PTPN12: variants seen among roughly 807,000 people sequenced by gnomAD.
PTPN12 encodes the protein tyrosine-protein phosphatase non-receptor type 12.
PTPN12 carries 29 observed loss-of-function variants against 97.6 expected under a neutral mutation model. That is an observed-to-expected ratio of 0.30 (90% CI 0.22 to 0.41). The LOEUF is 0.41. PTPN12 is among the 10% of genes least tolerant of loss of function. The pLI is 1.00. For synonymous variants in PTPN12, 327 were observed against 300.4 expected (o/e 1.09, Z -0.91); for missense variants, 819 against 926.0 (o/e 0.88, Z 1.50).
At chr7:77,618,666 C>G (rs1430805490) in intron 12 of PTPN12, 101 bp downstream of exon 12, 3 of 783,936 alleles carry the variant, frequency 3.8e-6, no homozygotes, top group Non-Finnish European at 6.0e-6. Context: ...ACTTTTATAA[C>G]TTTTATTATT....
intron 1 of PTPN12, among the ~76,000 whole-genome samples, chr7:77,540,293 A>G (rs2151292432): frequency 6.8e-6 from 1 of 147,934 alleles, no homozygotes; most frequent in Admixed American, 6.8e-5. Context: ...GTTGGAGTGC[A>G]GTGGCTCAAT....
intron 1 of PTPN12, among the ~76,000 whole-genome samples, chr7:77,559,333 T>C (rs1016508565): frequency 6.6e-6 from 1 of 152,246 alleles, no homozygotes; most frequent in Non-Finnish European, 1.5e-5. Flanking sequence ...TTAGCTGTGA[T>C]AAATTATAGC....
At chr7:77,575,860 G>GT (rs1038933383) in intron 2 of PTPN12, among the ~76,000 whole-genome samples, 16 of 151,206 alleles carry the variant, frequency 1.1e-4, no homozygotes, top group South Asian at 4.2e-4. Flanking sequence ...TCTTTTAACA[G>GT]TTTTTTTTTG....
intron 13 of PTPN12, 30 bp from the exon 14 acceptor site, chr7:77,632,317 AT>A: frequency 6.9e-7 from 1 of 1,453,364 alleles, no homozygotes; most frequent in Non-Finnish European, 9.7e-7. Context: ...TGACATGTTA[AT>A]TTGTCTAAAT....
At chr7:77,613,182 T>G (rs1403002885) in intron 11 of PTPN12, among the ~76,000 whole-genome samples, 1 of 137,982 alleles carries the variant, frequency 7.2e-6, no homozygotes. Flanking sequence ...TTTTTTTTTT[T>G]TTTTTTTTTT....
chr7:77,622,709 T>TA (rs1788983450), intron 12 of PTPN12, among the ~76,000 whole-genome samples: 1 of 151,954 alleles, frequency 6.6e-6, no homozygotes, highest in East Asian at 1.9e-4. Context: ...AGGCGGAAGT[T>TA]ACAGTGAGTC....
intron 1 of PTPN12, among the ~76,000 whole-genome samples, chr7:77,540,003 C>T (rs1806878246): frequency 6.6e-6 from 1 of 151,872 alleles, no homozygotes. Context: ...TACCGTCTTA[C>T]TTTGGTTATG....
chr7:77,537,418 C>T lies in PTPN12; in HGVS notation c.-129C>T, dbSNP rs539747895. The T allele has an allele frequency of 4.9e-6, 6 of 1,236,734 alleles. No homozygotes were observed. In the East Asian group the frequency reaches 1.9e-4, roughly 39 times the overall value. 76.6% of individuals were successfully genotyped at this position (1,236,734 alleles called of 1,614,324 possible). ...AGGGCGGTGGGGAGGAGGAGGGAGC[C>T]GCGGGGCTTGGCGGGGTCGGGAGGG... On this transcript the variant is annotated 5_prime_UTR_variant, in exon 1 of 18. Coordinates refer to ENST00000248594, the MANE Select transcript of PTPN12 (RefSeq NM_002835.4).
chr7:77,626,566 T>A (rs1443911814), intron 12 of PTPN12, 139 bp from the exon 13 acceptor site: 1 of 802,246 alleles, frequency 1.2e-6, no homozygotes, highest in African/African-American at 1.7e-5. Context: ...ACATTAAATT[T>A]TCTTAGTCTG....
intron 1 of PTPN12, among the ~76,000 whole-genome samples, chr7:77,568,608 A>G (rs1434865196): frequency 6.6e-6 from 1 of 152,202 alleles, no homozygotes; most frequent in Non-Finnish European, 1.5e-5. Context: ...ATGCCACTGC[A>G]TTCCAGTTTA....
intron 12 of PTPN12, among the ~76,000 whole-genome samples, chr7:77,622,004 G>T (rs1051592723): frequency 6.6e-6 from 1 of 151,996 alleles, no homozygotes; most frequent in African/African-American, 2.4e-5. Context: ...GCTCTTTTGC[G>T]CAGGCTGGAG....
At chr7:77,549,509 A>G (rs1259485731) in intron 1 of PTPN12, among the ~76,000 whole-genome samples, 2 of 151,986 alleles carry the variant, frequency 1.3e-5, no homozygotes, top group Admixed American at 6.6e-5. Flanking sequence ...TTTAAATTAT[A>G]ATTTTTCAAC....
intron 12 of PTPN12, among the ~76,000 whole-genome samples, chr7:77,626,320 GAT>G (rs1789178869): frequency 6.6e-6 from 1 of 152,190 alleles, no homozygotes; most frequent in African/African-American, 2.4e-5. Context: ...GTATTGGAAA[GAT>G]AGAGAAGGAC....
rs150933680 is a variant in PTPN12 at position 77,620,212 on chromosome 7, CTCT to C, written c.1025+1652_1025+1654del. On this transcript the variant is annotated intron_variant, in intron 12 of 17. Transcript: ENST00000248594. ...ACCTCTAACTACATGTAGCAGCAGT[CTCT>C]TCTTAATTTTACAGGAAAAAAGAAT... Among the ~76,000 whole-genome samples, 1,517 of 152,254 alleles carry C rather than the reference CTCT, an allele frequency of 1.0e-2. 30 individuals carry two copies. Among genetic ancestry groups the C allele is most frequent in the African/African-American group, 0.035 (1,459 of 41,544 alleles).
chr7:77,559,478 A>G (rs1371793326), intron 1 of PTPN12, among the ~76,000 whole-genome samples: 1 of 152,206 alleles, frequency 6.6e-6, no homozygotes, highest in African/African-American at 2.4e-5. Flanking sequence ...CCTTGGTAAC[A>G]TTGTAGGTGA....
chr7:77,600,014 G>A (rs1022704911), intron 7 of PTPN12, among the ~76,000 whole-genome samples: 6 of 152,122 alleles, frequency 3.9e-5, no homozygotes, highest in African/African-American at 1.4e-4. Flanking sequence ...TATTGTATTG[G>A]CTGTTAAAGA....
chr7:77,571,508 C>G lies in PTPN12; in HGVS notation c.208+322C>G, dbSNP rs139398053. The stretch of plus-strand genomic sequence containing the variant: ...CATTAAAATAATAGACAACTGAATA[C>G]ATTTTATAAAATGCTAACAATGTTG... On this transcript the variant is annotated intron_variant, in intron 2 of 17. Transcript: ENST00000248594. Among the ~76,000 whole-genome samples the G allele has an allele frequency of 1.3e-4, 20 of 152,160 alleles. No individual in the cohort carries two copies. In the East Asian group the frequency reaches 3.9e-3, roughly 29 times the overall value.
chr7:77,545,031 T>C (rs9886081), intron 1 of PTPN12, among the ~76,000 whole-genome samples: 27,784 of 152,198 alleles, frequency 0.18, 2,978 homozygotes, highest in African/African-American at 0.3. Context: ...TAAATAAATA[T>C]GATTTTATTA....
intron 12 of PTPN12, among the ~76,000 whole-genome samples, chr7:77,625,508 T>A (rs1211764727): frequency 1.8e-5 from 2 of 108,958 alleles, no homozygotes; most frequent in African/African-American, 3.6e-5. Context: ...TCTCTCTCTC[T>A]CTCTCTCTCT....
Sources: gnomAD v4.1 joint callset for allele counts (sites outside exome capture counted in the v4.1 genomes callset) on GRCh38, gnomAD v4.1.1 for gene constraint, MANE v1.5 for transcripts, NCBI Gene and HGNC (gene_info 2026-07-23, HGNC 2026-07-21) for gene names.